FGD5: variants seen among roughly 807,000 people sequenced by gnomAD.
FGD5 encodes FYVE, RhoGEF and PH domain containing 5.
A neutral mutation model predicts 133.4 loss-of-function variants in FGD5; 28 were observed. That is an observed-to-expected ratio of 0.21 (90% CI 0.16 to 0.29). The LOEUF is 0.29. FGD5 is among the 10% of genes least tolerant of loss of function. The pLI is 1.00. For synonymous variants in FGD5, 810 were observed against 776.5 expected, an observed-to-expected ratio of 1.04 and a Z score of -0.72; for missense variants, 1,858 against 1,895.2, an observed-to-expected ratio of 0.98 and a Z score of 0.36.
Position 14,859,466 on chromosome 3 carries a change from A to G in FGD5, c.2526-4662A>G, listed in dbSNP as rs2037354047. On this transcript the variant is annotated intron_variant, in intron 1 of 19. Transcript: ENST00000285046. ...CCAGCTACTCGGGAGGCGGAGGCTC[A>G]AGAATCACTTGAACCTAGAAAGCAG... Among the ~76,000 whole-genome samples the G allele has an allele frequency of 1.3e-5, 2 of 152,070 alleles. 1 individual carries two copies. The highest frequency in any genetic ancestry group is 4.2e-4 in the South Asian group (2 of 4,818).
intron 2 of FGD5, among the ~76,000 whole-genome samples, chr3:14,877,490 A>G (rs984799171): frequency 5.3e-5 from 8 of 152,160 alleles, no homozygotes; most frequent in African/African-American, 1.9e-4. Flanking sequence ...GCTGCCATCC[A>G]TCATCTGACC....
intron 1 of FGD5, among the ~76,000 whole-genome samples, chr3:14,832,777 A>G (rs543631668): frequency 1.2e-4 from 19 of 152,156 alleles, no homozygotes; most frequent in Non-Finnish European, 2.2e-4. Context: ...AAACTTCAGG[A>G]TGGAAATTTT....
chr3:14,868,493 T>G (rs1325290004), intron 2 of FGD5, among the ~76,000 whole-genome samples: 1 of 152,260 alleles, frequency 6.6e-6, no homozygotes, highest in Non-Finnish European at 1.5e-5. Context: ...AGGGTCCACC[T>G]GAGCCCTGGT....
chr3:14,900,616 A>G (rs1328780301), intron 8 of FGD5, among the ~76,000 whole-genome samples, 163 bp downstream of exon 8: 1 of 152,010 alleles, frequency 6.6e-6, no homozygotes, highest in East Asian at 1.9e-4. Context: ...GAGAGCCCAC[A>G]GCTCTTCTGA....
In FGD5 at chr3:14,897,575, C is replaced by T. The variant is rs77173419; in HGVS notation, c.2815C>T (p.Arg939Trp). The T allele has an allele frequency of 3.0e-4, 482 of 1,604,706 alleles. 4 individuals are homozygous for T. The African/African-American group carries it at 5.2e-3, about 17-fold the overall frequency. ...CCATGAAGGCAGAGACACATTGGCC[C>T]GGGAGGAGCTGAGGCAGGGCCTGAG... ...MDHEGRDTLA[R>W]EELRQGLSEL... Residue 939 changes from arginine to tryptophan, a missense_variant, in exon 5 of 20, where the codon CGG becomes TGG. Arg to Trp is a moderately radical substitution (Grantham distance 101). Coordinates refer to ENST00000285046, the MANE Select transcript of FGD5 (RefSeq NM_152536.4).
chr3:14,918,950 C>A, intron 13 of FGD5, 117 bp downstream of exon 13: 1 of 1,089,222 alleles, frequency 9.2e-7, no homozygotes, highest in Non-Finnish European at 1.3e-6. Context: ...GTCAAAGTAT[C>A]CTTCTGGGTC....
At chr3:14,920,171 G>A (rs1346788944) in intron 13 of FGD5, among the ~76,000 whole-genome samples, 1 of 152,056 alleles carries the variant, frequency 6.6e-6, no homozygotes, top group Middle Eastern at 3.2e-3. Context: ...TAGCTCTTCA[G>A]CCAGGGACGT....
chr3:14,923,249 G>T, intron 16 of FGD5, 74 bp downstream of exon 16: 2 of 1,539,728 alleles, frequency 1.3e-6, no homozygotes, highest in Non-Finnish European at 8.7e-7. Flanking sequence ...CTTCTCTGTG[G>T]TCCATGGTTC....
At position 14,825,921 on chromosome 3, in the gene FGD5, G is replaced by A. The variant is rs563162774; in HGVS notation, c.2525+4325G>A. Among the ~76,000 whole-genome samples, 198 of 152,222 alleles carry A rather than the reference G, an allele frequency of 1.3e-3. 1 individual carries two copies. The highest frequency in any genetic ancestry group is 1.5e-3 in the Non-Finnish European group (100 of 68,034). ...TTGGTGATTTTGAGCTTCACAAGGG[G>A]AAAGAAATATCATTTATTAAATACC... On this transcript the variant is annotated intron_variant, in intron 1 of 19. Transcript: ENST00000285046.
intron 1 of FGD5, among the ~76,000 whole-genome samples, chr3:14,858,481 T>C (rs750399251): frequency 6.6e-6 from 1 of 152,148 alleles, no homozygotes; most frequent in Non-Finnish European, 1.5e-5. Context: ...TATATTGGTA[T>C]GCTCAAGGAA....
intron 4 of FGD5, among the ~76,000 whole-genome samples, chr3:14,895,847 T>C (rs566266102): frequency 2.6e-5 from 4 of 152,148 alleles, no homozygotes; most frequent in South Asian, 4.2e-4. Context: ...ATTAAAGTGC[T>C]GATATAAAAG....
In FGD5 at chr3:14,922,243, A is replaced by G. The variant is rs866803445; in HGVS notation, c.3670-168A>G. 9 of 1,135,038 alleles carry G rather than the reference A, an allele frequency of 7.9e-6. No individual in the cohort carries two copies. Among genetic ancestry groups the G allele is most frequent in the East Asian group, 2.6e-5 (1 of 38,788 alleles). 70.3% of individuals were successfully genotyped at this position (1,135,038 alleles called of 1,614,324 possible). ...GTTCTCACAGTCTGGCTGTTTCCCAACCAAGGGTGAGCATCCTGGAGGGTG... is the reference window on the plus strand; with the variant it reads ...GTTCTCACAGTCTGGCTGTTTCCCAGCCAAGGGTGAGCATCCTGGAGGGTG... On this transcript the variant is annotated intron_variant, in intron 14 of 19. Transcript: ENST00000285046. The surrounding 1 kb of genome is among the most constrained non-coding windows in gnomAD (Gnocchi z 4.1).
chr3:14,916,214 A>G (rs541110352), intron 11 of FGD5, among the ~76,000 whole-genome samples: 7 of 152,290 alleles, frequency 4.6e-5, no homozygotes, highest in Non-Finnish European at 7.4e-5. Flanking sequence ...GGTGTCTCCC[A>G]TTTCCCAGAG....
At position 14,917,285 on chromosome 3, in the gene FGD5, G is replaced by T; in HGVS notation, c.3442G>T (p.Asp1148Tyr). The change falls in exon 12 of 20, where the codon GAT (aspartate) becomes TAT (tyrosine). Residue 1148 changes from aspartate to tyrosine, a missense_variant. Asp to Tyr is a radical substitution (Grantham distance 160). This residue lies in a region of FGD5 where 1,824 missense variants were observed against 1,848.9 expected (regional missense o/e 0.99). Transcript: ENST00000285046. The surrounding 1 kb of genome is among the most constrained non-coding windows in gnomAD (Gnocchi z 4.1). ...GCTCCTGTACACCTATCCCCAGAAG[G>T]ATGGGAAGTACCGGCTGAAGAACAC... ...DVLLYTYPQK[D>Y]GKYRLKNTLA... 6.2e-7 allele frequency: 1 copy of T among 1,613,806 alleles called. No individual in the cohort carries two copies. The highest frequency in any genetic ancestry group is 8.5e-7 in the Non-Finnish European group (1 of 1,179,818).
chr3:14,819,227 C>G lies in FGD5; in HGVS notation c.156C>G (p.Ser52=). The change falls in exon 1 of 20, where the codon TCC becomes TCG. Residue 52 remains serine (S), a synonymous_variant. Coordinates refer to ENST00000285046, the MANE Select transcript of FGD5 (RefSeq NM_152536.4). The surrounding 1 kb of genome is among the most constrained non-coding windows in gnomAD (Gnocchi z 4.1). ...GGGGGCTTGATGAGGGGCCCCGGTC[C>G]ATCCCAAAGTGCTCTGAGTCGGAGA... ...VDRGLDEGPR[S]IPKCSESETD... The G allele has an allele frequency of 6.5e-7, 1 of 1,546,336 alleles. No homozygotes were observed. The highest frequency in any genetic ancestry group is 2.0e-5 in the Admixed American group (1 of 49,996).
In FGD5 at chr3:14,897,591, A is replaced by G. The variant is rs982693679; in HGVS notation, c.2831A>G (p.Gln944Arg). 2 of 1,605,142 alleles carry G rather than the reference A, an allele frequency of 1.2e-6. No individual in the cohort carries two copies. Among genetic ancestry groups the G allele is most frequent in the Non-Finnish European group, 1.7e-6 (2 of 1,175,984 alleles). ...RDTLAREELRQGLSELPAIHD... is the reference protein window; with the variant it reads ...RDTLAREELRRGLSELPAIHD... ...ACATTGGCCCGGGAGGAGCTGAGGCAGGGCCTGAGTGAACTCCCAGCCATC... is the reference window on the plus strand; with the variant it reads ...ACATTGGCCCGGGAGGAGCTGAGGCGGGGCCTGAGTGAACTCCCAGCCATC... Residue 944 changes from glutamine (Q) to arginine (R), a missense_variant, in exon 5 of 20, where the codon CAG becomes CGG. This residue lies in a region of FGD5 where 1,824 missense variants were observed against 1,848.9 expected (regional missense o/e 0.99). Coordinates refer to ENST00000285046, the MANE Select transcript of FGD5 (RefSeq NM_152536.4).
rs116323200 is a variant in FGD5 at position 14,836,920 on chromosome 3, C to T, written c.2525+15324C>T. ...GGCTCAAAGGGCGAGTAAGAATTTG[C>T]GACCTGAAGAAGGGAAGGAAGGACA... is the stretch of plus-strand genomic sequence containing the variant. On this transcript the variant is annotated intron_variant, in intron 1 of 19. Coordinates refer to ENST00000285046, the MANE Select transcript of FGD5 (RefSeq NM_152536.4). 3.8e-3 allele frequency among the ~76,000 whole-genome samples: 582 copies of T among 152,284 alleles called. 3 individuals are homozygous for T. Among genetic ancestry groups the T allele is most frequent in the African/African-American group, 0.013 (560 of 41,550 alleles).
intron 1 of FGD5, among the ~76,000 whole-genome samples, chr3:14,857,552 G>C (rs947936059): frequency 7.2e-5 from 11 of 152,154 alleles, no homozygotes; most frequent in Admixed American, 3.3e-4. Context: ...TTTGGGGCTT[G>C]AGAAAACAAA....
At chr3:14,898,210 A>G (rs1424098664) in intron 6 of FGD5, 115 bp downstream of exon 6, 5 of 1,375,674 alleles carry the variant, frequency 3.6e-6, no homozygotes, top group Non-Finnish European at 5.0e-6. Flanking sequence ...GGGAGCAGAC[A>G]GGGAAGACCT....
Sources: gnomAD v4.1 joint callset for allele counts (sites outside exome capture counted in the v4.1 genomes callset) on GRCh38, gnomAD v4.1.1 for gene constraint, gnomAD v4.1.1 regional missense constraint, Gnocchi (gnomAD v3.1) non-coding constraint, MANE v1.5 for transcripts, NCBI Gene and HGNC (gene_info 2026-07-23, HGNC 2026-07-21) for gene names.